SLC10A1: variants seen among roughly 807,000 people sequenced by gnomAD.
The protein encoded by SLC10A1 is solute carrier family 10 member 1.
Under a neutral mutation model 20.5 loss-of-function variants are expected in SLC10A1, and 36 were observed. The observed-to-expected ratio is 1.75, with a 90% confidence interval of 1.34 to 2.32. The LOEUF (loss-of-function observed/expected upper bound fraction) is 2.32. SLC10A1 is among the 30% of genes most tolerant of loss of function. The pLI is 0.00. For missense variants in SLC10A1, 545 were observed against 439.1 expected, an observed-to-expected ratio of 1.24 and a Z score of -2.16; for synonymous variants, 188 against 163.6, an observed-to-expected ratio of 1.15 and a Z score of -1.14.
intron 4 of SLC10A1, 50 bp from the exon 5 acceptor site, chr14:69,776,438 A>G: frequency 7.1e-7 from 1 of 1,413,384 alleles, no homozygotes; most frequent in Non-Finnish European, 1.0e-6. Context: ...AAGAGGAGTG[A>G]ACAATGAAGC....
chr14:69,792,103 C>T (rs1013915721), intron 1 of SLC10A1, among the ~76,000 whole-genome samples: 2 of 152,028 alleles, frequency 1.3e-5, no homozygotes, highest in African/African-American at 4.8e-5. Flanking sequence ...AGGTGCACAT[C>T]ACCATGCCCA....
At chr14:69,785,130 C>CA (rs1047001946) in intron 2 of SLC10A1, among the ~76,000 whole-genome samples, 20 of 152,048 alleles carry the variant, frequency 1.3e-4, no homozygotes, top group Non-Finnish European at 2.6e-4. Context: ...GGATGACCTC[C>CA]TGGCCCTGGG....
At chr14:69,779,493 A>T in intron 2 of SLC10A1, 133 bp from the exon 3 acceptor site, 1 of 598,084 alleles carries the variant, frequency 1.7e-6, no homozygotes, top group Non-Finnish European at 2.8e-6. Context: ...AATATGAAAG[A>T]CCTTTATCTT....
chr14:69,788,099 G>A (rs1273056105), intron 1 of SLC10A1, among the ~76,000 whole-genome samples: 1 of 151,956 alleles, frequency 6.6e-6, no homozygotes, highest in African/African-American at 2.4e-5. Context: ...GCTTCATAGA[G>A]GGGTTCTGGA....
In SLC10A1 at chr14:69,786,289, G is replaced by A; in HGVS notation, c.375C>T (p.Cys125=). The A allele has an allele frequency of 6.2e-7, 1 of 1,614,100 alleles. No homozygotes were observed. Among genetic ancestry groups the A allele is most frequent in the East Asian group, 2.2e-5 (1 of 44,884 alleles). ...TCATGCCAAGGGCACAGAAGGTGGA[G>A]CAGGTGGTCATCACAATGCTGGTGG... ...DMNLSIVMTT[C]STFCALGMMP... Residue 125 remains cysteine (C), a synonymous_variant, in exon 2 of 5, where the codon TGC becomes TGT. Coordinates refer to ENST00000216540, the MANE Select transcript of SLC10A1 (RefSeq NM_003049.4).
Position 69,779,295 on chromosome 14 carries a change from C to T in SLC10A1, c.633G>A (p.Gly211=), listed in dbSNP as rs145192564. ...GTGTCATGGCAAACATGATGCTCTT[C>T]CCCACATTGATGGCAGAGAGAACTG... The part of the protein sequence containing the change: ...AVTVLSAINV[G]KSIMFAMTPL... Residue 211 remains glycine (G), a synonymous_variant, in exon 3 of 5, where the codon GGG becomes GGA. Coordinates refer to ENST00000216540, the MANE Select transcript of SLC10A1 (RefSeq NM_003049.4). 4 of 1,613,856 alleles carry T rather than the reference C, an allele frequency of 2.5e-6. No homozygotes were observed. In the African/African-American group the frequency reaches 4.0e-5, roughly 16 times the overall value.
chr14:69,782,667 G>T (rs922908674), intron 2 of SLC10A1, among the ~76,000 whole-genome samples: 9 of 152,126 alleles, frequency 5.9e-5, no homozygotes, highest in African/African-American at 1.9e-4. Context: ...AATTATCCGG[G>T]TATGGTGGCG....
At chr14:69,779,535 A>G (rs943932963) in intron 2 of SLC10A1, among the ~76,000 whole-genome samples, 175 bp from the exon 3 acceptor site, 2 of 152,150 alleles carry the variant, frequency 1.3e-5, no homozygotes, top group Admixed American at 6.5e-5. Flanking sequence ...AATTTTTTTA[A>G]AATTATTAAC....
intron 1 of SLC10A1, among the ~76,000 whole-genome samples, chr14:69,788,758 G>A (rs1697569939): frequency 6.6e-6 from 1 of 152,082 alleles, no homozygotes; most frequent in African/African-American, 2.4e-5. Context: ...GTGTTAGCCA[G>A]GATAGTCTCG....
chr14:69,780,044 G>A (rs946337865), intron 2 of SLC10A1, among the ~76,000 whole-genome samples: 5 of 148,536 alleles, frequency 3.4e-5, no homozygotes, highest in African/African-American at 1.2e-4. Flanking sequence ...GGATGATCAA[G>A]CCCGGAAATA....
In SLC10A1 at chr14:69,781,383, A is replaced by G. The variant is rs995814245; in HGVS notation, c.568-2023T>C. On this transcript the variant is annotated intron_variant, in intron 2 of 4. Transcript: ENST00000216540. Reference sequence around the variant, plus strand: ...ATGAGTGCTCATTCATGGGCAGCCAATCCATTGGCTTACACATGAGATGAC... The same window carrying G: ...ATGAGTGCTCATTCATGGGCAGCCAGTCCATTGGCTTACACATGAGATGAC... Among the ~76,000 whole-genome samples, 14 of 152,308 alleles carry G rather than the reference A, an allele frequency of 9.2e-5. 1 individual carries two copies. Among genetic ancestry groups the G allele is most frequent in the African/African-American group, 3.1e-4 (13 of 41,554 alleles).
In SLC10A1 at chr14:69,786,277, A is replaced by G. The variant is rs199961853; in HGVS notation, c.387T>C (p.Cys129=). Residue 129 remains cysteine (C), a synonymous_variant, in exon 2 of 5, where the codon TGT becomes TGC. Coordinates refer to ENST00000216540, the MANE Select transcript of SLC10A1 (RefSeq NM_003049.4). ...SIVMTTCSTF[C]ALGMMPLLLY... is the part of the protein sequence containing the mutation. Reference sequence around the variant, plus strand: ...GGAGGAGAGGCATCATGCCAAGGGCACAGAAGGTGGAGCAGGTGGTCATCA... The same window carrying G: ...GGAGGAGAGGCATCATGCCAAGGGCGCAGAAGGTGGAGCAGGTGGTCATCA... 5.4e-5 allele frequency: 87 copies of G among 1,614,002 alleles called. No individual in the cohort carries two copies. Among genetic ancestry groups the G allele is most frequent in the Non-Finnish European group, 7.4e-5 (87 of 1,180,010 alleles).
intron 1 of SLC10A1, among the ~76,000 whole-genome samples, chr14:69,789,350 C>A (rs1883791427): frequency 6.6e-6 from 1 of 152,160 alleles, no homozygotes; most frequent in Non-Finnish European, 1.5e-5. Flanking sequence ...TGTATTATAT[C>A]CATACAATGG....
intron 1 of SLC10A1, among the ~76,000 whole-genome samples, chr14:69,786,514 C>T (rs1392407451): frequency 2.0e-5 from 3 of 152,214 alleles, no homozygotes; most frequent in Admixed American, 1.3e-4. Flanking sequence ...TGCTCAAAGT[C>T]GCACAAGGTA....
At chr14:69,793,513 G>A (rs574252654) in intron 1 of SLC10A1, among the ~76,000 whole-genome samples, 1 of 152,152 alleles carries the variant, frequency 6.6e-6, no homozygotes, top group African/African-American at 2.4e-5. Flanking sequence ...GGACTCGTTC[G>A]AGTGTCCGTC....
chr14:69,777,017 T>C (rs192390066), intron 4 of SLC10A1, among the ~76,000 whole-genome samples: 1 of 152,322 alleles, frequency 6.6e-6, no homozygotes, highest in East Asian at 1.9e-4. Context: ...CACTGGGGTC[T>C]TCTGAGATAC....
At chr14:69,781,088 A>C (rs1883580223) in intron 2 of SLC10A1, among the ~76,000 whole-genome samples, 1 of 152,162 alleles carries the variant, frequency 6.6e-6, no homozygotes, top group Non-Finnish European at 1.5e-5. Flanking sequence ...CCAGGTGTGT[A>C]AGCTCTGGGG....
chr14:69,792,155 A>C (rs1032067532), intron 1 of SLC10A1, among the ~76,000 whole-genome samples: 3 of 152,102 alleles, frequency 2.0e-5, no homozygotes, highest in Non-Finnish European at 4.4e-5. Context: ...GGGTTTTGCC[A>C]TGTTGGACAG....
At chr14:69,782,831 T>C (rs1364592177) in intron 2 of SLC10A1, among the ~76,000 whole-genome samples, 2 of 148,964 alleles carry the variant, frequency 1.3e-5, no homozygotes, top group Admixed American at 6.7e-5. Context: ...AAAAAGGGTC[T>C]GAGATTCTGC....
Sources: gnomAD v4.1 joint callset for allele counts (sites outside exome capture counted in the v4.1 genomes callset) on GRCh38, gnomAD v4.1.1 for gene constraint, MANE v1.5 for transcripts, NCBI Gene and HGNC (gene_info 2026-07-23, HGNC 2026-07-21) for gene names.